The following ADCY8 variants were observed in gnomAD, a reference collection of about 807,000 sequenced individuals.
ADCY8 encodes adenylate cyclase type 8.
ADCY8 carries 51 observed loss-of-function variants against 119.7 expected under a neutral mutation model. The ratio of observed to expected loss-of-function variants is 0.43; its 90% CI spans 0.34 to 0.54. ADCY8 has a LOEUF of 0.54. ADCY8 is among the 20% of genes least tolerant of loss of function. The pLI is 0.03. For synonymous variants in ADCY8, 665 were observed against 651.0 expected, an observed-to-expected ratio of 1.02 and a Z score of -0.33; for missense variants, 1,383 against 1,598.8, an observed-to-expected ratio of 0.87 and a Z score of 2.30.
intron 2 of ADCY8, among the ~76,000 whole-genome samples, chr8:130,988,625 G>A (rs1241256312): frequency 6.6e-6 from 1 of 152,088 alleles, no homozygotes; most frequent in African/African-American, 2.4e-5. Context: ...CCAAACTCTA[G>A]TGGTCTTTTC....
At chr8:131,030,678 C>A (rs1170999126) in intron 1 of ADCY8, among the ~76,000 whole-genome samples, 1 of 152,174 alleles carries the variant, frequency 6.6e-6, no homozygotes, top group Non-Finnish European at 1.5e-5. Context: ...TCTTTAGTAC[C>A]TAGCTGTGTT....
At chr8:130,869,075 A>G (rs1010898577) in intron 8 of ADCY8, among the ~76,000 whole-genome samples, 108 of 152,274 alleles carry the variant, frequency 7.1e-4, no homozygotes, top group African/African-American at 2.6e-3. Flanking sequence ...TGTCATAGCT[A>G]AGGTTTGGAG....
intron 14 of ADCY8, among the ~76,000 whole-genome samples, chr8:130,811,288 C>T (rs1816156855): frequency 6.6e-6 from 1 of 152,166 alleles, no homozygotes; most frequent in Non-Finnish European, 1.5e-5. Context: ...AAATGGACCT[C>T]ATCATTCTCT....
intron 2 of ADCY8, among the ~76,000 whole-genome samples, chr8:130,962,153 C>T (rs6470873): frequency 0.78 from 119,138 of 152,174 alleles, 50,060 homozygotes; most frequent in East Asian, 0.95. Flanking sequence ...GCTCCTCCCT[C>T]TGTAAAGCAT....
chr8:130,866,440 A>G (rs945464601), intron 9 of ADCY8, among the ~76,000 whole-genome samples: 2 of 152,114 alleles, frequency 1.3e-5, no homozygotes, highest in African/African-American at 4.8e-5. Flanking sequence ...TGAACATTGA[A>G]CTTCTGCTGG....
chr8:130,942,233 C>T (rs1023817347), intron 4 of ADCY8, among the ~76,000 whole-genome samples: 3 of 152,138 alleles, frequency 2.0e-5, no homozygotes, highest in Non-Finnish European at 4.4e-5. Context: ...TGGTGTTGCA[C>T]GTAAGAGTGG....
At chr8:130,917,405 C>A (rs1820161218) in intron 5 of ADCY8, among the ~76,000 whole-genome samples, 1 of 152,130 alleles carries the variant, frequency 6.6e-6, no homozygotes, top group South Asian at 2.1e-4. Context: ...TTAGGTAATG[C>A]CAGACTCCAA....
chr8:130,899,115 C>T (rs914417990), intron 7 of ADCY8, among the ~76,000 whole-genome samples: 2 of 152,202 alleles, frequency 1.3e-5, no homozygotes, highest in Non-Finnish European at 2.9e-5. Context: ...GGTGTCTGCA[C>T]TGCTTTTCCT....
intron 5 of ADCY8, among the ~76,000 whole-genome samples, chr8:130,928,581 C>T (rs1166467931): frequency 6.6e-6 from 1 of 152,064 alleles, no homozygotes; most frequent in Admixed American, 6.5e-5. Context: ...AGTTATTGAT[C>T]CATGTATGTT....
intron 1 of ADCY8, among the ~76,000 whole-genome samples, chr8:131,021,162 G>A (rs1440532045): frequency 6.6e-6 from 1 of 152,128 alleles, no homozygotes; most frequent in Non-Finnish European, 1.5e-5. Flanking sequence ...TTAGATATTG[G>A]TAAAGGAGAA....
In ADCY8 at chr8:130,867,893, G is replaced by A. The variant is rs760033182; in HGVS notation, c.2163C>T (p.Ile721=). 1.1e-5 allele frequency: 17 copies of A among 1,611,598 alleles called. No individual in the cohort carries two copies. The Admixed American group carries it at 2.5e-4, about 24-fold the overall frequency. ...GTATTGCCGTGATAAATAGAAGAAC[G>A]ATAAATGCACAGACCAAGTTTGACT... is the stretch of plus-strand genomic sequence containing the variant. ...VFKSNLVCAF[I]VLLFITAIQS... is the part of the protein sequence containing the mutation. The change falls in exon 9 of 18, where the codon ATC becomes ATT. Residue 721 remains isoleucine, a synonymous_variant. Coordinates refer to ENST00000286355, the MANE Select transcript of ADCY8 (RefSeq NM_001115.3).
intron 2 of ADCY8, among the ~76,000 whole-genome samples, chr8:130,986,867 T>C (rs1822416914): frequency 6.6e-6 from 1 of 152,226 alleles, no homozygotes; most frequent in Non-Finnish European, 1.5e-5. Context: ...GCAGTAATAT[T>C]CCACTTAAGA....
intron 7 of ADCY8, among the ~76,000 whole-genome samples, chr8:130,893,872 GT>G (rs1366937541): frequency 0.012 from 1,889 of 151,578 alleles, 40 homozygotes; most frequent in African/African-American, 0.043. Context: ...ATGTTTATGT[GT>G]GTGTTTGCGG....
rs1459947181 is a variant in ADCY8, at chr8:130,990,485, A to T, written c.1018T>A (p.Tyr340Asn). 1 of 1,614,202 alleles carries T rather than the reference A, an allele frequency of 6.2e-7. No individual in the cohort carries two copies. The change falls in exon 2 of 18, where the codon TAC becomes AAC. Residue 340 changes from tyrosine (Y) to asparagine (N), a missense_variant. This residue lies in a region of ADCY8 where 928 missense variants were observed against 1,163.5 expected (regional missense o/e 0.80). Transcript: ENST00000286355. ...TGGCGCTGGGCCCGGTCTGACAGGT[A>T]ACTGATGAAGATTCCAGCTGTGTTC... ...CMNTAGIFIS[Y>N]LSDRAQRQAF...
chr8:130,862,931 T>A (rs1327252578), intron 9 of ADCY8, among the ~76,000 whole-genome samples: 2 of 152,230 alleles, frequency 1.3e-5, no homozygotes, highest in African/African-American at 4.8e-5. Context: ...TTGGTTACTG[T>A]TCATGTGAGC....
intron 1 of ADCY8, among the ~76,000 whole-genome samples, chr8:130,996,409 G>A (rs939072867): frequency 6.6e-6 from 1 of 151,804 alleles, no homozygotes; most frequent in African/African-American, 2.4e-5. Context: ...ATTAGAGGGG[G>A]GTCTTGACCA....
At chr8:130,922,042 G>A (rs1476678973) in intron 5 of ADCY8, among the ~76,000 whole-genome samples, 1 of 152,012 alleles carries the variant, frequency 6.6e-6, no homozygotes, top group African/African-American at 2.4e-5. Context: ...AGGAGAGGAA[G>A]AGGCTTGAGC....
At chr8:130,854,519 G>A (rs1817642582) in intron 9 of ADCY8, among the ~76,000 whole-genome samples, 1 of 152,188 alleles carries the variant, frequency 6.6e-6, no homozygotes, top group African/African-American at 2.4e-5. Context: ...CAACACTTTA[G>A]AATCTACAGA....
chr8:130,795,637 A>T (rs1467003044), intron 15 of ADCY8, among the ~76,000 whole-genome samples: 1 of 152,204 alleles, frequency 6.6e-6, no homozygotes, highest in Non-Finnish European at 1.5e-5. Flanking sequence ...AGACAGGCAG[A>T]CGGAGCAGAA....
Sources: gnomAD v4.1 joint callset for allele counts (sites outside exome capture counted in the v4.1 genomes callset) on GRCh38, gnomAD v4.1.1 for gene constraint, gnomAD v4.1.1 regional missense constraint, MANE v1.5 for transcripts, NCBI Gene and HGNC (gene_info 2026-07-23, HGNC 2026-07-21) for gene names.